Variants in DNAL4 observed in about 807,000 individuals in gnomAD.
The protein encoded by DNAL4 is dynein light chain, outer arm 4.
Under a neutral mutation model 12.6 loss-of-function variants are expected in DNAL4, and 10 were observed. The ratio of observed to expected loss-of-function variants is 0.79; its 90% confidence interval spans 0.49 to 1.34. DNAL4 has a LOEUF of 1.34. Among genes scored for constraint, DNAL4 ranks in the 40% most tolerant of loss-of-function variants. DNAL4 has a pLI of 0.00. For synonymous variants in DNAL4, 46 were observed against 53.1 expected (o/e 0.87, Z 0.58); for missense variants, 128 against 138.1 (o/e 0.93, Z 0.37).
At position 38,782,459 on chromosome 22, in the gene DNAL4, A is replaced by G. The variant is rs1238121499; in HGVS notation, c.69+204T>C. ...CACAGTGCCTAGAACAGTGCCCGGC[A>G]TAGAGTAGGTGGCCCAATACTTGGT... On this transcript the variant is annotated intron_variant, in intron 2 of 3. Coordinates refer to ENST00000216068, the MANE Select transcript of DNAL4 (RefSeq NM_005740.3). This position sits in a 1 kb window ranked among gnomAD's most constrained non-coding sequence, Gnocchi z 5.1. Among the ~76,000 whole-genome samples the G allele has an allele frequency of 6.6e-6, 1 of 152,226 alleles. No individual in the cohort carries two copies. Among genetic ancestry groups the G allele is most frequent in the Non-Finnish European group, 1.5e-5 (1 of 68,030 alleles).
intron 3 of DNAL4, among the ~76,000 whole-genome samples, chr22:38,780,364 A>C (rs934642571): frequency 2.0e-5 from 3 of 152,226 alleles, no homozygotes; most frequent in Non-Finnish European, 2.9e-5. Context: ...ATTCAAGGGT[A>C]CAGCTGGGAA....
At chr22:38,792,274 TA>T (rs1398875515) in intron 1 of DNAL4, among the ~76,000 whole-genome samples, 1 of 130,530 alleles carries the variant, frequency 7.7e-6, no homozygotes, top group Non-Finnish European at 1.6e-5. Flanking sequence ...ATAAATTTTC[TA>T]TTTCTTTTTT....
In DNAL4 at chr22:38,779,476, CAGGG is replaced by C. The variant is rs1569316452; in HGVS notation, c.287_290del (p.Thr96ArgfsTer98). On this transcript the variant is annotated frameshift_variant, in exon 4 of 4. Transcript: ENST00000216068. LOFTEE classifies it high-confidence loss of function. The surrounding 1 kb of genome is among the most constrained non-coding windows in gnomAD (Gnocchi z 4.3). ...AGGAGCACTTCCAGACGCACACAGC[CAGGG>C]TGCCCCCGAAGTACAGGTAGAGGAG... 6.3e-7 allele frequency: 1 copy of C among 1,578,578 alleles called. No homozygotes were observed.
rs996201347 is a variant in DNAL4 at position 38,791,514 on chromosome 22, G to A, written c.-140+2554C>T. On this transcript the variant is annotated intron_variant, in intron 1 of 3. Transcript: ENST00000216068. ...GATTACAGGCACGTGCCACCAAGCC[G>A]GGCTTATTTTTGTATTTTTATATTT... 1.1e-4 allele frequency among the ~76,000 whole-genome samples: 16 copies of A among 148,560 alleles called. 1 individual carries two copies. Among genetic ancestry groups the A allele is most frequent in the South Asian group, 6.5e-4 (3 of 4,634 alleles).
chr22:38,787,754 C>G (rs374397371), intron 1 of DNAL4, among the ~76,000 whole-genome samples: 3 of 152,180 alleles, frequency 2.0e-5, no homozygotes, highest in African/African-American at 7.2e-5. Context: ...TTCTGTGAAA[C>G]CTCTTGGGGC....
intron 1 of DNAL4, chr22:38,785,823 C>T (rs753906907): frequency 4.6e-5 from 7 of 152,184 alleles, no homozygotes; most frequent in Non-Finnish European, 8.8e-5. Flanking sequence ...TGTTGCAAGC[C>T]CCAGGTATGT....
Position 38,784,364 on chromosome 22 carries a change from C to T in DNAL4, c.-139-1494G>A, listed in dbSNP as rs184975433. On this transcript the variant is annotated intron_variant, in intron 1 of 3. Transcript: ENST00000216068. Reference sequence around the variant, plus strand: ...AGGCCCGGCTGTCGGCATGGGCACTCCTGACCCCTTGTTCATACGCCTCCT... The same window carrying T: ...AGGCCCGGCTGTCGGCATGGGCACTTCTGACCCCTTGTTCATACGCCTCCT... 1.3e-3 allele frequency among the ~76,000 whole-genome samples: 195 copies of T among 152,260 alleles called. 1 individual carries two copies. Among genetic ancestry groups the T allele is most frequent in the Middle Eastern group, 0.01 (3 of 292 alleles).
chr22:38,782,766 G>A lies in DNAL4; in HGVS notation c.-35C>T, dbSNP rs760271479. On this transcript the variant is annotated 5_prime_UTR_variant, in exon 2 of 4. Coordinates refer to ENST00000216068, the MANE Select transcript of DNAL4 (RefSeq NM_005740.3). The surrounding 1 kb of genome is among the most constrained non-coding windows in gnomAD (Gnocchi z 5.1). ...ACTGTGACCACTGGAGGAGAGTGGG[G>A]CTTTCAGGAGGTGCTGGGACTGGCA... The A allele has an allele frequency of 1.9e-6, 3 of 1,586,422 alleles. No individual in the cohort carries two copies. Among genetic ancestry groups the A allele is most frequent in the Non-Finnish European group, 2.6e-6 (3 of 1,167,468 alleles).
rs1211726916 is a variant in DNAL4 at position 38,781,024 on chromosome 22, G to C, written c.70-15C>G. On this transcript the variant is annotated splice_polypyrimidine_tract_variant and intron_variant, in intron 2 of 3. Transcript: ENST00000216068. ...ATGTCCGAGTGCTAGAGACAGGGCA[G>C]GGGTAACAAACAAGAGACAGGCTTA... 15 of 1,613,710 alleles carry C rather than the reference G, an allele frequency of 9.3e-6. No homozygotes were observed. Among genetic ancestry groups the C allele is most frequent in the African/African-American group, 1.3e-5 (1 of 74,932 alleles).
At chr22:38,781,337 G>A (rs867169265) in intron 2 of DNAL4, among the ~76,000 whole-genome samples, 2 of 152,228 alleles carry the variant, frequency 1.3e-5, no homozygotes, top group South Asian at 2.1e-4. Flanking sequence ...ATCTCACCCC[G>A]GAGGCCCGAA....
chr22:38,790,410 G>A (rs1201886198), intron 1 of DNAL4, among the ~76,000 whole-genome samples: 1 of 152,220 alleles, frequency 6.6e-6, no homozygotes, highest in Non-Finnish European at 1.5e-5. Flanking sequence ...CAAATGGAAT[G>A]AGCATGGTGG....
intron 1 of DNAL4, among the ~76,000 whole-genome samples, chr22:38,783,379 T>TACACACAC (rs2093037467): frequency 6.6e-6 from 1 of 151,696 alleles, no homozygotes; most frequent in African/African-American, 2.4e-5. Context: ...TCCCTCCCAC[T>TACACACAC]GCATACACGG....
At position 38,780,896 on chromosome 22, in the gene DNAL4, ACGAGGGGCCG is replaced by A. The variant is rs1421551261; in HGVS notation, c.153+20_153+29del. ...TTCACCCACAGGGGCCATCAAAAGC[ACGAGGGGCCG>A]CCTGCACTGCTGGCAATACCTCGTT... On this transcript the variant is annotated intron_variant, in intron 3 of 3. Transcript: ENST00000216068. 15 of 1,613,632 alleles carry A rather than the reference ACGAGGGGCCG, an allele frequency of 9.3e-6. No individual in the cohort carries two copies. Among genetic ancestry groups the A allele is most frequent in the Non-Finnish European group, 1.3e-5 (15 of 1,179,618 alleles).
At chr22:38,793,129 CGTT>C (rs1029292574) in intron 1 of DNAL4, among the ~76,000 whole-genome samples, 5 of 152,152 alleles carry the variant, frequency 3.3e-5, no homozygotes, top group African/African-American at 1.2e-4. Context: ...TTGACCAAAA[CGTT>C]GTTATATGGT....
Position 38,779,680 on chromosome 22 carries a change from C to A in DNAL4, c.154-67G>T. 1 of 1,518,436 alleles carries A rather than the reference C, an allele frequency of 6.6e-7. No homozygotes were observed. The highest frequency in any genetic ancestry group is 1.4e-5 in the African/African-American group (1 of 72,516). The allele number at this position is 1,518,436 out of a possible 1,614,324, so 94.1% of individuals were successfully genotyped here. A position where few individuals can be genotyped will look rare whatever the true frequency, so the allele number is the denominator to read the frequency against. On this transcript the variant is annotated intron_variant, in intron 3 of 3. Coordinates refer to ENST00000216068, the MANE Select transcript of DNAL4 (RefSeq NM_005740.3). This position sits in a 1 kb window ranked among gnomAD's most constrained non-coding sequence, Gnocchi z 4.3. Reference sequence around the variant, plus strand: ...TGGGGGCAGGAGTCAGGTCCTTCTCCAGGAAGGAGAAGGCTGGCACTGAGG... The same window carrying A: ...TGGGGGCAGGAGTCAGGTCCTTCTCAAGGAAGGAGAAGGCTGGCACTGAGG...
At chr22:38,793,551 C>T (rs1194984187) in intron 1 of DNAL4, among the ~76,000 whole-genome samples, 1 of 152,172 alleles carries the variant, frequency 6.6e-6, no homozygotes, top group Admixed American at 6.5e-5. Context: ...GGTCAAAGAA[C>T]AACGACATCC....
At position 38,779,076 on chromosome 22, in the gene DNAL4, A is replaced by T. The variant is rs1358059177; in HGVS notation, c.*373T>A. The T allele has an allele frequency of 3.4e-5, 6 of 178,012 alleles. No homozygotes were observed. Among genetic ancestry groups the T allele is most frequent in the Middle Eastern group, 2.2e-3 (1 of 448 alleles). 11.0% of individuals were successfully genotyped at this position (178,012 alleles called of 1,614,324 possible). A position where few individuals can be genotyped will look rare whatever the true frequency, so the allele number is the denominator to read the frequency against. The stretch of plus-strand genomic sequence containing the variant: ...CCGACACTTCCCGGCAGTACTGGGG[A>T]TGGCAGGGCAGTGGGGCTCCCAGGA... On this transcript the variant is annotated 3_prime_UTR_variant, in exon 4 of 4. Coordinates refer to ENST00000216068, the MANE Select transcript of DNAL4 (RefSeq NM_005740.3). The surrounding 1 kb of genome is among the most constrained non-coding windows in gnomAD (Gnocchi z 4.3).
chr22:38,792,028 C>T (rs552468790), intron 1 of DNAL4, among the ~76,000 whole-genome samples: 1 of 152,126 alleles, frequency 6.6e-6, no homozygotes, highest in African/African-American at 2.4e-5. Flanking sequence ...TATTTATAAA[C>T]ACCGTAAAAA....
rs2093031376 is a variant in DNAL4, at chr22:38,779,703, AG to A, written c.154-91del. ...TCCAGGAAGGAGAAGGCTGGCACTG[AG>A]GTCTTGGCAAGAGAAAGGCCTGCTG... On this transcript the variant is annotated intron_variant, in intron 3 of 3. Transcript: ENST00000216068. The surrounding 1 kb of genome is among the most constrained non-coding windows in gnomAD (Gnocchi z 4.3). The A allele has an allele frequency of 6.9e-7, 1 of 1,458,670 alleles. No homozygotes were observed. Among genetic ancestry groups the A allele is most frequent in the African/African-American group, 1.4e-5 (1 of 70,338 alleles). 90.4% of individuals were successfully genotyped at this position (1,458,670 alleles called of 1,614,324 possible).
Sources: allele counts gnomAD v4.1 joint callset (sites outside exome capture counted in the v4.1 genomes callset), GRCh38; gene constraint gnomAD v4.1.1; non-coding constraint Gnocchi (gnomAD v3.1); transcripts MANE v1.5; gene names NCBI Gene and HGNC (gene_info 2026-07-23, HGNC 2026-07-21).